The following SLC5A8 variants were observed in gnomAD, a reference collection of about 807,000 sequenced individuals.
The protein encoded by SLC5A8 is sodium-coupled monocarboxylate transporter 1.
In SLC5A8, 55 loss-of-function variants were observed where a neutral mutation model predicts 71.9. That is an observed-to-expected ratio of 0.77 (90% CI 0.62 to 0.96). The LOEUF (loss-of-function observed/expected upper bound fraction) is 0.96, where lower values mean the gene tolerates loss of function less well. Among genes scored for constraint, SLC5A8 ranks in the 40% least tolerant of loss-of-function variants. The pLI is 0.00. For synonymous variants in SLC5A8, 307 were observed against 276.1 expected (o/e 1.11, Z -1.11); for missense variants, 701 against 745.3 (o/e 0.94, Z 0.69).
At chr12:101,171,684 C>T (rs113186577) in intron 10 of SLC5A8, among the ~76,000 whole-genome samples, 1,622 of 152,176 alleles carry the variant, frequency 0.011, 16 homozygotes, top group South Asian at 0.023. Flanking sequence ...GGACAGGTAG[C>T]GACCAAGTCT....
Position 101,201,536 on chromosome 12 carries a change from C to T in SLC5A8, c.469+628G>A, listed in dbSNP as rs117736523. On this transcript the variant is annotated intron_variant, in intron 3 of 14. Coordinates refer to ENST00000536262, the MANE Select transcript of SLC5A8 (RefSeq NM_145913.5). ...TCCCCAAAGCCTTTTGAAACTATGA[C>T]TAGCATGAACGTTTGCTTCAATAAA... Among the ~76,000 whole-genome samples, 181 of 152,338 alleles carry T rather than the reference C, an allele frequency of 1.2e-3. 3 individuals are homozygous for T. The highest frequency in any genetic ancestry group is 6.8e-3 in the Middle Eastern group (2 of 294).
Position 101,209,962 on chromosome 12 carries a change from G to A in SLC5A8, c.-114C>T. 1.1e-6 allele frequency: 1 copy of A among 951,668 alleles called. No homozygotes were observed. The highest frequency in any genetic ancestry group is 3.4e-4 in the Middle Eastern group (1 of 2,926). 59.0% of individuals were successfully genotyped at this position (951,668 alleles called of 1,614,324 possible). A position where few individuals can be genotyped will look rare whatever the true frequency, so the allele number is the denominator to read the frequency against. ...CTGGCGCGCAGGCGTGGCGTCCCGC[G>A]GGGACTGGAGGCGTCCTCCAGGTGT... On this transcript the variant is annotated 5_prime_UTR_variant, in exon 1 of 15. Coordinates refer to ENST00000536262, the MANE Select transcript of SLC5A8 (RefSeq NM_145913.5).
At chr12:101,171,093 A>G (rs1379129662) in intron 10 of SLC5A8, among the ~76,000 whole-genome samples, 1 of 152,198 alleles carries the variant, frequency 6.6e-6, no homozygotes, top group East Asian at 1.9e-4. Flanking sequence ...GTTTTCATCT[A>G]GAGACCTTTC....
Position 101,158,303 on chromosome 12 carries a change from G to T in SLC5A8, c.1656C>A (p.Pro552=). The T allele has an allele frequency of 6.3e-7, 1 of 1,586,170 alleles. No individual in the cohort carries two copies. Among genetic ancestry groups the T allele is most frequent in the Non-Finnish European group, 8.6e-7 (1 of 1,163,562 alleles). The change falls in exon 14 of 15, where the codon CCC becomes CCA. Residue 552 remains proline (P), a synonymous_variant. Transcript: ENST00000536262. The stretch of plus-strand genomic sequence containing the variant: ...AGTCCTCTTTGGTTAGTATGTATCT[G>T]GGGTCTAAGTTCTGTTTTCTTCCTC... ...STGGRKQNLD[P]RYILTKEDFL...
intron 3 of SLC5A8, among the ~76,000 whole-genome samples, chr12:101,201,700 C>T (rs1262593081): frequency 6.6e-6 from 1 of 152,174 alleles, no homozygotes. Flanking sequence ...TCTGATCATT[C>T]AAATCACATG....
chr12:101,168,720 C>T (rs1012894481), intron 10 of SLC5A8, among the ~76,000 whole-genome samples: 2 of 152,196 alleles, frequency 1.3e-5, no homozygotes, highest in Admixed American at 1.3e-4. Flanking sequence ...AATTAGATAA[C>T]TGCAACCTTT....
intron 9 of SLC5A8, among the ~76,000 whole-genome samples, chr12:101,182,370 G>C (rs895161857): frequency 6.6e-6 from 1 of 152,176 alleles, no homozygotes; most frequent in African/African-American, 2.4e-5. Flanking sequence ...GAAACTGACA[G>C]TGCCTTCTTA....
chr12:101,192,556 CT>C (rs1868961755), intron 5 of SLC5A8, among the ~76,000 whole-genome samples: 1 of 152,168 alleles, frequency 6.6e-6, no homozygotes, highest in South Asian at 2.1e-4. Flanking sequence ...TTTCAATATT[CT>C]TTTGAATTGT....
At chr12:101,204,430 G>A (rs1869590523) in intron 2 of SLC5A8, 70 bp downstream of exon 2, 6 of 1,334,004 alleles carry the variant, frequency 4.5e-6, no homozygotes, top group Non-Finnish European at 6.3e-6. Context: ...TCCCAGGTAA[G>A]CTTAATCCAG....
chr12:101,173,548 T>C (rs1484418084), intron 10 of SLC5A8, among the ~76,000 whole-genome samples: 2 of 152,150 alleles, frequency 1.3e-5, no homozygotes, highest in African/African-American at 4.8e-5. Context: ...CCGCGTGACT[T>C]GGGCATGTTG....
At chr12:101,205,261 T>A (rs915171503) in intron 1 of SLC5A8, among the ~76,000 whole-genome samples, 2 of 152,226 alleles carry the variant, frequency 1.3e-5, no homozygotes, top group South Asian at 2.1e-4. Context: ...TTACTCAGCC[T>A]GTCCCTCTGT....
intron 4 of SLC5A8, among the ~76,000 whole-genome samples, chr12:101,194,558 TG>T (rs1466991390): frequency 6.6e-6 from 1 of 152,196 alleles, no homozygotes; most frequent in Non-Finnish European, 1.5e-5. Context: ...CTCAAATTCC[TG>T]GGCTCAGGCG....
intron 7 of SLC5A8, among the ~76,000 whole-genome samples, chr12:101,184,584 G>A (rs1282012740): frequency 6.6e-6 from 1 of 152,132 alleles, no homozygotes; most frequent in African/African-American, 2.4e-5. Context: ...TATAATAAAT[G>A]CTCAAAACAA....
chr12:101,178,416 A>G (rs1171711359), intron 10 of SLC5A8, among the ~76,000 whole-genome samples: 1 of 152,224 alleles, frequency 6.6e-6, no homozygotes, highest in Non-Finnish European at 1.5e-5. Flanking sequence ...TTAAAGCTGC[A>G]GTAATCAAAA....
intron 10 of SLC5A8, among the ~76,000 whole-genome samples, chr12:101,178,328 G>T (rs2051900100): frequency 6.6e-6 from 1 of 152,054 alleles, no homozygotes; most frequent in Non-Finnish European, 1.5e-5. Flanking sequence ...AAAGGCAAAA[G>T]AACTAGAATA....
At chr12:101,177,906 T>C (rs1021196453) in intron 10 of SLC5A8, among the ~76,000 whole-genome samples, 3 of 152,044 alleles carry the variant, frequency 2.0e-5, no homozygotes, top group African/African-American at 7.2e-5. Context: ...ATAAAAGGCA[T>C]TCATACAGAT....
rs550938895 is a variant in SLC5A8, at chr12:101,160,700, C to T, written c.1630+1274G>A. On this transcript the variant is annotated intron_variant, in intron 13 of 14. Transcript: ENST00000536262. ...CCTCTTCCCTGCCCTCGTTCCCCTACAGACTATTCTCAAAATTGGATCAGA... is the reference window on the plus strand; with the variant it reads ...CCTCTTCCCTGCCCTCGTTCCCCTATAGACTATTCTCAAAATTGGATCAGA... Among the ~76,000 whole-genome samples the T allele has an allele frequency of 5.9e-5, 9 of 152,278 alleles. No homozygotes were observed. In the South Asian group the frequency reaches 1.9e-3, roughly 32 times the overall value.
At chr12:101,175,758 GA>G (rs35805307) in intron 10 of SLC5A8, among the ~76,000 whole-genome samples, 3 of 151,908 alleles carry the variant, frequency 2.0e-5, no homozygotes, top group African/African-American at 7.3e-5. Flanking sequence ...AACTCCTGGG[GA>G]AAAAATACTA....
intron 3 of SLC5A8, among the ~76,000 whole-genome samples, chr12:101,197,299 A>G (rs1218269202): frequency 6.6e-6 from 1 of 152,184 alleles, no homozygotes; most frequent in African/African-American, 2.4e-5. Flanking sequence ...GAACTAGAAT[A>G]CTCCATTTTA....
Sources: allele counts gnomAD v4.1 joint callset (sites outside exome capture counted in the v4.1 genomes callset), GRCh38; gene constraint gnomAD v4.1.1; transcripts MANE v1.5; gene names NCBI Gene and HGNC (gene_info 2026-07-23, HGNC 2026-07-21).